NCKAP1: variants seen among roughly 807,000 people sequenced by gnomAD.
The protein encoded by NCKAP1 is NCK associated protein 1, also known as nck-associated protein 1.
In NCKAP1, 21 loss-of-function variants were observed where a neutral mutation model predicts 151.2. The observed-to-expected ratio is 0.14, with a 90% confidence interval of 0.10 to 0.20. The LOEUF is 0.20. NCKAP1 is among the 10% of genes least tolerant of loss of function. The probability of loss-of-function intolerance (pLI) is 1.00; values close to 1 mark genes in which losing one functional copy is unlikely to be tolerated. For synonymous variants in NCKAP1, 484 were observed against 451.8 expected (o/e 1.07, Z -0.90); for missense variants, 933 against 1,352.1 (o/e 0.69, Z 4.86).
At chr2:182,998,079 T>C (rs746848790) in intron 6 of NCKAP1, among the ~76,000 whole-genome samples, 10 of 152,138 alleles carry the variant, frequency 6.6e-5, no homozygotes, top group Non-Finnish European at 1.3e-4. Context: ...TAAAACACCA[T>C]ATGATCATCT....
intron 26 of NCKAP1, among the ~76,000 whole-genome samples, chr2:182,932,371 TAC>T (rs1344470586): frequency 6.6e-6 from 1 of 152,182 alleles, no homozygotes; most frequent in Non-Finnish European, 1.5e-5. Context: ...ATCAGAAGAC[TAC>T]ACATGATGAT....
intron 30 of NCKAP1, among the ~76,000 whole-genome samples, chr2:182,926,043 A>T (rs1696637205): frequency 6.6e-6 from 1 of 152,056 alleles, no homozygotes; most frequent in Non-Finnish European, 1.5e-5. Flanking sequence ...CTACTTTTCA[A>T]TTAAATTTAT....
intron 23 of NCKAP1, among the ~76,000 whole-genome samples, chr2:182,942,581 G>GGATACATGCACTGTTTAAAA (rs1447191795): frequency 6.6e-6 from 1 of 151,982 alleles, no homozygotes; most frequent in African/African-American, 2.4e-5. Context: ...GAGTATTACT[G>GGATACATGCACTGTTTAAAA]GATACATACA....
Position 182,981,261 on chromosome 2 carries a change from G to A in NCKAP1, c.1324C>T (p.Leu442Phe). 1 of 1,613,522 alleles carries A rather than the reference G, an allele frequency of 6.2e-7. No individual in the cohort carries two copies. Among genetic ancestry groups the A allele is most frequent in the Non-Finnish European group, 8.5e-7 (1 of 1,179,656 alleles). Residue 442 changes from leucine (L) to phenylalanine (F), a missense_variant, in exon 13 of 31, where the codon CTC (leucine) becomes TTC (phenylalanine). Leu to Phe is a conservative substitution (Grantham distance 22). Transcript: ENST00000361354. ...GTTTTTACCTGCACGAGTTCATTGA[G>A]GACAACAGCATCAAAGCCAGAAAGG... ...QYLSGFDAVV[L>F]NELVQNLSVC... is the part of the protein sequence containing the mutation.
At chr2:182,961,160 G>A (rs1490838831) in intron 18 of NCKAP1, among the ~76,000 whole-genome samples, 2 of 152,166 alleles carry the variant, frequency 1.3e-5, no homozygotes, top group African/African-American at 4.8e-5. Flanking sequence ...CAACCATTGT[G>A]GAAGTCAGTG....
rs565831221 is a variant in NCKAP1, at chr2:182,922,091, A to G, written c.*3611T>C. On this transcript the variant is annotated 3_prime_UTR_variant, in exon 31 of 31. Transcript: ENST00000361354. ...CTGTCATTTCAAGTGACTACAAAGAAGAAATGAAAGAAAGATGTAAGGAGT... is the reference window on the plus strand; with the variant it reads ...CTGTCATTTCAAGTGACTACAAAGAGGAAATGAAAGAAAGATGTAAGGAGT... 6.6e-6 allele frequency: 1 copy of G among 152,214 alleles called. No homozygotes were observed. The highest frequency in any genetic ancestry group is 6.5e-5 in the Admixed American group (1 of 15,284). 9.4% of individuals were successfully genotyped at this position (152,214 alleles called of 1,614,324 possible).
intron 2 of NCKAP1, among the ~76,000 whole-genome samples, chr2:183,021,888 G>A (rs1031590366): frequency 6.6e-6 from 1 of 152,118 alleles, no homozygotes; most frequent in East Asian, 1.9e-4. Context: ...ACAACTCTGT[G>A]AATGTACTTA....
chr2:182,910,362 T>C lies in NCKAP1; in HGVS notation c.*15340A>G, dbSNP rs943468556. On this transcript the variant is annotated 3_prime_UTR_variant, in exon 31 of 31. Transcript: ENST00000361354. ...TCTTTGAGAGATGAGAGGAAATATT[T>C]TTCAGAAGCTTGGAGGTCTGAGTAC... 6.6e-6 allele frequency: 1 copy of C among 152,254 alleles called. No homozygotes were observed. Among genetic ancestry groups the C allele is most frequent in the Non-Finnish European group, 1.5e-5 (1 of 68,068 alleles). 9.4% of individuals were successfully genotyped at this position (152,254 alleles called of 1,614,324 possible). A position where few individuals can be genotyped will look rare whatever the true frequency, so the allele number is the denominator to read the frequency against.
At chr2:182,948,310 T>C (rs1357189444) in intron 23 of NCKAP1, among the ~76,000 whole-genome samples, 5 of 152,076 alleles carry the variant, frequency 3.3e-5, no homozygotes, top group Non-Finnish European at 7.4e-5. Context: ...AGGAGATTAC[T>C]AGAAAGCTAA....
chr2:182,961,703 C>T (rs907269949), intron 18 of NCKAP1, among the ~76,000 whole-genome samples: 1 of 151,530 alleles, frequency 6.6e-6, no homozygotes, highest in African/African-American at 2.4e-5. Flanking sequence ...ACGTTGTGCA[C>T]ATGTACCCTA....
intron 23 of NCKAP1, among the ~76,000 whole-genome samples, chr2:182,945,872 T>C (rs1697093146): frequency 6.6e-6 from 1 of 152,190 alleles, no homozygotes; most frequent in South Asian, 2.1e-4. Flanking sequence ...ACTGAAGCAC[T>C]ATTCACAACA....
chr2:182,934,260 C>G (rs1696825979), intron 26 of NCKAP1: 1 of 152,272 alleles, frequency 6.6e-6, no homozygotes, highest in Non-Finnish European at 1.5e-5. Context: ...GTCTCAGCCT[C>G]CCGAGTAGCT....
chr2:182,940,014 T>C (rs940139719), intron 24 of NCKAP1, among the ~76,000 whole-genome samples: 1 of 152,208 alleles, frequency 6.6e-6, no homozygotes, highest in Non-Finnish European at 1.5e-5. Context: ...CAAACGACTA[T>C]GAATTTTATT....
chr2:182,984,770 T>C (rs1698016334), intron 10 of NCKAP1, among the ~76,000 whole-genome samples: 1 of 152,212 alleles, frequency 6.6e-6, no homozygotes, highest in Non-Finnish European at 1.5e-5. Context: ...TTGATTATTT[T>C]ACTTCACAGG....
intron 29 of NCKAP1, among the ~76,000 whole-genome samples, chr2:182,927,807 G>A (rs1696678740): frequency 6.6e-6 from 1 of 151,924 alleles, no homozygotes; most frequent in African/African-American, 2.4e-5. Context: ...ATCAGCTTGG[G>A]GAAAAAAGGT....
intron 2 of NCKAP1, chr2:183,022,790 C>T (rs925206881): frequency 6.6e-6 from 1 of 152,134 alleles, no homozygotes; most frequent in African/African-American, 2.4e-5. Context: ...TATCAACAGG[C>T]TAAATACAAA....
At chr2:183,001,209 A>G (rs1698367921) in intron 6 of NCKAP1, among the ~76,000 whole-genome samples, 1 of 152,180 alleles carries the variant, frequency 6.6e-6, no homozygotes, top group Non-Finnish European at 1.5e-5. Context: ...TTTTGCCACT[A>G]TTGTTACCAA....
intron 2 of NCKAP1, among the ~76,000 whole-genome samples, chr2:183,018,150 G>A (rs1359558115): frequency 6.6e-6 from 1 of 152,106 alleles, no homozygotes; most frequent in Admixed American, 6.5e-5. Flanking sequence ...GGGAAGCTGA[G>A]GCAGGAGAAT....
chr2:182,938,545 T>C (rs930560424), intron 24 of NCKAP1, among the ~76,000 whole-genome samples: 3 of 150,704 alleles, frequency 2.0e-5, no homozygotes, highest in Admixed American at 2.0e-4. Flanking sequence ...ACACCAAGAG[T>C]GGACAGGTGG....
Sources: allele counts gnomAD v4.1 joint callset (sites outside exome capture counted in the v4.1 genomes callset), GRCh38; gene constraint gnomAD v4.1.1; transcripts MANE v1.5; gene names NCBI Gene and HGNC (gene_info 2026-07-23, HGNC 2026-07-21).